The following RBM39 variants were observed in gnomAD, a reference collection of about 807,000 sequenced individuals.
RBM39 encodes RNA binding motif protein 39.
RBM39 carries 12 observed loss-of-function variants against 79.6 expected under a neutral mutation model. The ratio of observed to expected loss-of-function variants is 0.15; its 90% CI spans 0.10 to 0.24. The LOEUF (loss-of-function observed/expected upper bound fraction) is 0.24. Among genes scored for constraint, RBM39 ranks in the 10% least tolerant of loss-of-function variants. The pLI, the probability that RBM39 is intolerant of heterozygous loss-of-function variation, is 1.00. For missense variants in RBM39, 243 were observed against 653.4 expected (o/e 0.37, Z 6.85); for synonymous variants, 185 against 208.4 (o/e 0.89, Z 0.97).
At chr20:35,732,677 C>T (rs2039500576) in intron 3 of RBM39, 1 of 153,682 alleles carries the variant, frequency 6.5e-6, no homozygotes, top group Non-Finnish European at 1.4e-5. Context: ...GCAATTATCT[C>T]CTGAGAGTTA....
At chr20:35,731,803 G>C in intron 4 of RBM39, 138 bp downstream of exon 4, 1 of 891,138 alleles carries the variant, frequency 1.1e-6, no homozygotes, top group Non-Finnish European at 1.8e-6. Flanking sequence ...AGTATTCAAT[G>C]CCAATATCCT....
Position 35,725,131 on chromosome 20 carries a change from A to C in RBM39, c.441T>G (p.Pro147=). 1.9e-6 allele frequency: 3 copies of C among 1,609,416 alleles called. No homozygotes were observed. The highest frequency in any genetic ancestry group is 2.5e-6 in the Non-Finnish European group (3 of 1,178,338). Reference sequence around the variant, plus strand: ...AGACTGTCCTTGCATCTCTTTCCTCAGGAGTTAAATTATCAATAGGTTCTC... The same window carrying C: ...AGACTGTCCTTGCATCTCTTTCCTCCGGAGTTAAATTATCAATAGGTTCTC... ...PVREPIDNLT[P]EERDARTVFC... is the part of the protein sequence containing the mutation. Residue 147 remains proline (P), a synonymous_variant, in exon 7 of 17, where the codon CCT becomes CCG. Transcript: ENST00000253363.
At chr20:35,713,132 G>C (rs1329978995) in intron 11 of RBM39, 36 bp from the exon 12 acceptor site, 1 of 1,557,080 alleles carries the variant, frequency 6.4e-7, no homozygotes, top group South Asian at 1.2e-5. Flanking sequence ...CTACTATGTT[G>C]AGAGCAGAGA....
intron 12 of RBM39, among the ~76,000 whole-genome samples, chr20:35,711,145 T>C (rs2036353381): frequency 6.6e-6 from 1 of 152,170 alleles, no homozygotes; most frequent in Non-Finnish European, 1.5e-5. Flanking sequence ...AAATTGTCTA[T>C]AAATGACCCC....
At chr20:35,718,914 A>G (rs1569018968) in intron 9 of RBM39, among the ~76,000 whole-genome samples, 1 of 151,794 alleles carries the variant, frequency 6.6e-6, no homozygotes, top group Non-Finnish European at 1.5e-5. Context: ...TGGGAGGCAG[A>G]GGTTGCAGTG....
chr20:35,712,980 G>GA lies in RBM39; in HGVS notation c.1174+38dup, dbSNP rs746331429. 7 of 1,559,778 alleles carry GA rather than the reference G, an allele frequency of 4.5e-6. No homozygotes were observed. The Admixed American group carries it at 1.0e-4, about 23-fold the overall frequency. Reference sequence around the variant, plus strand: ...AATTTGGAAAATTTTCGAATTAGATGAAAAAACGATTTAAAATTAGAAAAG... The same window carrying GA: ...AATTTGGAAAATTTTCGAATTAGATGAAAAAAACGATTTAAAATTAGAAAAG... On this transcript the variant is annotated intron_variant, in intron 12 of 16. Coordinates refer to ENST00000253363, the MANE Select transcript of RBM39 (RefSeq NM_184234.3).
chr20:35,717,686 G>A (rs570722410), intron 9 of RBM39, among the ~76,000 whole-genome samples: 2 of 152,260 alleles, frequency 1.3e-5, no homozygotes, highest in South Asian at 4.1e-4. Context: ...AAAAAGGTAT[G>A]AAAAATTAAA....
chr20:35,730,356 C>T (rs2039231239), intron 4 of RBM39, among the ~76,000 whole-genome samples: 2 of 152,182 alleles, frequency 1.3e-5, no homozygotes, highest in Admixed American at 1.3e-4. Context: ...AGAAGAACAG[C>T]GAAATAAATA....
At chr20:35,740,487 G>C in intron 2 of RBM39, 2 of 1,217,492 alleles carry the variant, frequency 1.6e-6, no homozygotes, top group African/African-American at 1.6e-5. Context: ...ATTTTACCTA[G>C]GGGACCACGG....
intron 3 of RBM39, among the ~76,000 whole-genome samples, chr20:35,736,116 TA>T (rs11167273): frequency 0.74 from 112,454 of 152,070 alleles, 42,440 homozygotes; most frequent in East Asian, 0.83. Flanking sequence ...GCCTGACACC[TA>T]AATTGGATAA....
chr20:35,733,824 A>C (rs537784215), intron 3 of RBM39, among the ~76,000 whole-genome samples: 1 of 152,226 alleles, frequency 6.6e-6, no homozygotes, highest in East Asian at 1.9e-4. Flanking sequence ...TCTAACTAAA[A>C]ACCAAAAAAG....
At chr20:35,717,403 A>G (rs746403873) in intron 9 of RBM39, among the ~76,000 whole-genome samples, 8 of 152,190 alleles carry the variant, frequency 5.3e-5, no homozygotes, top group African/African-American at 1.2e-4. Flanking sequence ...TAATTTTTAT[A>G]TCAATACTAA....
In RBM39 at chr20:35,740,836, A is replaced by T; in HGVS notation, c.39T>A (p.Ala13=). The T allele has an allele frequency of 6.2e-7, 1 of 1,612,394 alleles. No homozygotes were observed. Among genetic ancestry groups the T allele is most frequent in the Non-Finnish European group, 8.5e-7 (1 of 1,179,114 alleles). ...DDIDIEAMLE[A]PYKKDENKLS... is the part of the protein sequence containing the mutation. ...TGTTTTTTCTCACCTTCTTGTAAGG[A>T]GCCTCAAGCATTGCTTCAATATCAA... Residue 13 remains alanine (A), a synonymous_variant, in exon 2 of 17, where the codon GCT becomes GCA. Transcript: ENST00000253363.
chr20:35,705,188 A>C lies in RBM39; in HGVS notation c.1413+37T>G, dbSNP rs754533468. The C allele has an allele frequency of 3.2e-6, 4 of 1,244,122 alleles. No individual in the cohort carries two copies. In the South Asian group the frequency reaches 5.2e-5, roughly 16 times the overall value. The allele number at this position is 1,244,122 out of a possible 1,614,324, so 77.1% of individuals were successfully genotyped here. A position where few individuals can be genotyped will look rare whatever the true frequency, so the allele number is the denominator to read the frequency against. On this transcript the variant is annotated intron_variant, in intron 15 of 16. Transcript: ENST00000253363. ...TGTGCGAAGATTAAGGTAGAGACGA[A>C]CAACCTAACATCATTTATAAAAAAA...
chr20:35,712,898 T>C, intron 12 of RBM39, 121 bp downstream of exon 12: 1 of 699,050 alleles, frequency 1.4e-6, no homozygotes, highest in Non-Finnish European at 2.3e-6. Flanking sequence ...GACTACAAAC[T>C]AACAGGCTAT....
At chr20:35,720,602 T>G (rs1032865891) in intron 9 of RBM39, among the ~76,000 whole-genome samples, 3 of 143,792 alleles carry the variant, frequency 2.1e-5, no homozygotes, top group African/African-American at 7.9e-5. Flanking sequence ...AAGCCCTGTC[T>G]CTAAAAAAAA....
intron 9 of RBM39, among the ~76,000 whole-genome samples, chr20:35,721,284 T>TA (rs1039444303): frequency 6.6e-6 from 1 of 152,048 alleles, no homozygotes; most frequent in Non-Finnish European, 1.5e-5. Context: ...AACAATCTTT[T>TA]AAAAAAAATC....
chr20:35,724,934 A>G (rs888341923), intron 7 of RBM39, 104 bp downstream of exon 7: 15 of 1,026,192 alleles, frequency 1.5e-5, no homozygotes, highest in Non-Finnish European at 2.0e-5. Flanking sequence ...TGGAAACATT[A>G]CCACAAACAA....
Position 35,705,328 on chromosome 20 carries a change from TCTC to T in RBM39, c.1308-1_1309del. On this transcript the variant is annotated splice_acceptor_variant and coding_sequence_variant, in exon 15 of 17. Transcript: ENST00000253363. LOFTEE classifies it high-confidence loss of function. ...CTCGGTATCCCATCCAACTTCTTCT[TCTC>T]TGTAAGAAAGTATTAAGGACTCTTA... The T allele has an allele frequency of 6.4e-7, 1 of 1,558,976 alleles. No homozygotes were observed. Among genetic ancestry groups the T allele is most frequent in the East Asian group, 2.3e-5 (1 of 43,482 alleles).
Sources: gnomAD v4.1 joint callset for allele counts (sites outside exome capture counted in the v4.1 genomes callset) on GRCh38, gnomAD v4.1.1 for gene constraint, MANE v1.5 for transcripts, NCBI Gene and HGNC (gene_info 2026-07-23, HGNC 2026-07-21) for gene names.